ACSL4: variants seen among roughly 807,000 people sequenced by gnomAD.
The protein encoded by ACSL4 is acyl-CoA synthetase long chain family member 4, also known as long-chain-fatty-acid--CoA ligase 4.
A neutral mutation model predicts 49.1 loss-of-function variants in ACSL4; 9 were observed. The observed-to-expected ratio is 0.18, with a 90% confidence interval of 0.11 to 0.32. ACSL4 has a LOEUF of 0.32. Among genes scored for constraint, ACSL4 ranks in the 10% least tolerant of loss-of-function variants. ACSL4 has a pLI of 1.00. For synonymous variants in ACSL4, 191 were observed against 170.3 expected (o/e 1.12, Z -0.95); for missense variants, 333 against 493.7 (o/e 0.67, Z 3.08).
intron 1 of ACSL4, among the ~76,000 whole-genome samples, chrX:109,710,589 G>T (rs1926682036): frequency 8.9e-6 from 1 of 112,590 alleles, no homozygotes; most frequent in African/African-American, 3.2e-5. Context: ...ACAGATATAG[G>T]ATAAATCAGA....
intron 15 of ACSL4, among the ~76,000 whole-genome samples, chrX:109,658,555 C>T (rs751329867): frequency 2.3e-3 from 253 of 112,296 alleles, no homozygotes; most frequent in Non-Finnish European, 3.9e-3. Context: ...CTAACCTCTA[C>T]AGCCTTACCT....
At chrX:109,716,637 G>A (rs957144333) in intron 1 of ACSL4, among the ~76,000 whole-genome samples, 4 of 112,331 alleles carry the variant, frequency 3.6e-5, no homozygotes, top group Admixed American at 9.4e-5. Flanking sequence ...CACAGCCAAC[G>A]GAGGTTTCAT....
intron 1 of ACSL4, among the ~76,000 whole-genome samples, chrX:109,726,857 T>TTTG (rs745771367): frequency 1.5e-4 from 16 of 108,836 alleles, no homozygotes; most frequent in East Asian, 8.7e-4. Context: ...TTTGTTGTTT[T>TTTG]TTGTTGTTGT....
chrX:109,657,876 C>T (rs754633003), intron 15 of ACSL4, among the ~76,000 whole-genome samples: 2 of 111,534 alleles, frequency 1.8e-5, no homozygotes, highest in South Asian at 3.8e-4. Context: ...CTCTCCAGCA[C>T]CTGTTGTTCC....
intron 8 of ACSL4, among the ~76,000 whole-genome samples, chrX:109,676,302 T>C (rs976385588): frequency 1.8e-5 from 2 of 108,671 alleles, no homozygotes; most frequent in Non-Finnish European, 3.8e-5. Flanking sequence ...CAAAAAAAAC[T>C]ATTTAACTTT....
Position 109,726,849 on chromosome X carries a change from T to C in ACSL4, c.-66+6290A>G, listed in dbSNP as rs145524370. On this transcript the variant is annotated intron_variant, in intron 1 of 15. Coordinates refer to ENST00000672401, the MANE Select transcript of ACSL4 (RefSeq NM_001318510.2). ...ACATGCCACCATGCCTGGCTTTTTTTGTTGTTTTTTGTTGTTGTTGTTGTT... is the reference window on the plus strand; with the variant it reads ...ACATGCCACCATGCCTGGCTTTTTTCGTTGTTTTTTGTTGTTGTTGTTGTT... Among the ~76,000 whole-genome samples, 604 of 108,805 alleles carry C rather than the reference T, an allele frequency of 5.6e-3. 8 individuals are homozygous for C. The highest frequency in any genetic ancestry group is 0.054 in the Admixed American group (545 of 10,036). 94.5% of individuals were successfully genotyped at this position (108,805 alleles called of 115,157 possible).
intron 1 of ACSL4, among the ~76,000 whole-genome samples, chrX:109,720,632 C>T (rs1462281332): frequency 8.9e-6 from 1 of 111,948 alleles, no homozygotes. Flanking sequence ...AAAAACTACA[C>T]AGCTTCCCAT....
chrX:109,689,788 T>C (rs1193154981), intron 2 of ACSL4, among the ~76,000 whole-genome samples: 1 of 112,086 alleles, frequency 8.9e-6, no homozygotes, highest in Admixed American at 9.5e-5. Context: ...TAATATACCA[T>C]GTTTTATTTT....
chrX:109,723,867 G>A (rs1927751220), intron 1 of ACSL4, among the ~76,000 whole-genome samples: 1 of 112,541 alleles, frequency 8.9e-6, no homozygotes, highest in Non-Finnish European at 1.9e-5. Context: ...TTTGTTAAAA[G>A]TGGATATTAA....
intron 1 of ACSL4, among the ~76,000 whole-genome samples, chrX:109,724,073 A>G (rs1264924736): frequency 9.0e-6 from 1 of 111,603 alleles, no homozygotes; most frequent in Non-Finnish European, 1.9e-5. Context: ...TATATTATGG[A>G]TATTATGCAG....
chrX:109,697,384 T>C (rs1925521474), intron 1 of ACSL4, among the ~76,000 whole-genome samples: 1 of 111,356 alleles, frequency 9.0e-6, no homozygotes, highest in African/African-American at 3.3e-5. Context: ...CCCATGGAAG[T>C]CATATAAACG....
chrX:109,684,858 T>C (rs1358550823), intron 2 of ACSL4, among the ~76,000 whole-genome samples: 1 of 110,126 alleles, frequency 9.1e-6, no homozygotes, highest in African/African-American at 3.3e-5. Context: ...TTTGGGAGAA[T>C]AGGAAGTACC....
intron 11 of ACSL4, among the ~76,000 whole-genome samples, chrX:109,666,115 T>C (rs1477339858): frequency 8.9e-6 from 1 of 112,402 alleles, no homozygotes; most frequent in African/African-American, 3.2e-5. Flanking sequence ...AAGGAGACCC[T>C]GCACTCAATG....
At chrX:109,670,897 G>A (rs1923139916) in intron 9 of ACSL4, among the ~76,000 whole-genome samples, 1 of 112,870 alleles carries the variant, frequency 8.9e-6, no homozygotes, top group South Asian at 3.6e-4. Flanking sequence ...GAGGTGCTGG[G>A]ATTGCAGACG....
At chrX:109,731,265 G>GTA (rs965473406) in intron 1 of ACSL4, among the ~76,000 whole-genome samples, 8 of 109,881 alleles carry the variant, frequency 7.3e-5, no homozygotes, top group Non-Finnish European at 1.5e-4. Context: ...ATACACGTGT[G>GTA]TATATATATA....
At position 109,641,942 on chromosome X, in the gene ACSL4, G is replaced by T. The variant is rs1372687112; in HGVS notation, c.*2087C>A. The T allele has an allele frequency of 4.5e-5, 5 of 112,171 alleles. No individual in the cohort carries two copies. Among genetic ancestry groups the T allele is most frequent in the Admixed American group, 9.5e-5 (1 of 10,494 alleles). 9.2% of individuals were successfully genotyped at this position (112,171 alleles called of 1,213,427 possible). A position where few individuals can be genotyped will look rare whatever the true frequency, so the allele number is the denominator to read the frequency against. ...CTTAAATACTTGAAAAGTCACTATGGATATGGAAAGATTTGTTTACATAAA... is the reference window on the plus strand; with the variant it reads ...CTTAAATACTTGAAAAGTCACTATGTATATGGAAAGATTTGTTTACATAAA... On this transcript the variant is annotated 3_prime_UTR_variant, in exon 16 of 16. Transcript: ENST00000672401.
chrX:109,728,407 C>A (rs1338402361), intron 1 of ACSL4, among the ~76,000 whole-genome samples: 2 of 112,298 alleles, frequency 1.8e-5, no homozygotes, highest in Admixed American at 1.9e-4. Flanking sequence ...TTACCAAAAT[C>A]CTTGATGGAA....
intron 1 of ACSL4, among the ~76,000 whole-genome samples, chrX:109,718,112 C>T (rs1254699826): frequency 8.9e-6 from 1 of 112,270 alleles, no homozygotes; most frequent in East Asian, 2.8e-4. Context: ...CCTACTCACT[C>T]CTCACAATGC....
At chrX:109,712,957 C>A (rs766711569) in intron 1 of ACSL4, among the ~76,000 whole-genome samples, 51 of 105,121 alleles carry the variant, frequency 4.9e-4, no homozygotes, top group African/African-American at 1.8e-3. Context: ...CAGAGTGAGA[C>A]CCTGAGAAAA....
Sources: allele counts gnomAD v4.1 joint callset (sites outside exome capture counted in the v4.1 genomes callset), GRCh38; gene constraint gnomAD v4.1.1; transcripts MANE v1.5; gene names NCBI Gene and HGNC (gene_info 2026-07-23, HGNC 2026-07-21).